The following CYRIA variants were observed in gnomAD, a reference collection of about 807,000 sequenced individuals.
CYRIA encodes the protein CYFIP related Rac1 interactor A.
In CYRIA, 15 loss-of-function variants were observed where a neutral mutation model predicts 43.9. The observed-to-expected ratio is 0.34, with a 90% CI of 0.23 to 0.53. CYRIA has a LOEUF of 0.53. Among genes scored for constraint, CYRIA ranks in the 20% least tolerant of loss-of-function variants. The pLI is 0.94. For missense variants in CYRIA, 236 were observed against 394.2 expected, an observed-to-expected ratio of 0.60 and a Z score of 3.40; for synonymous variants, 117 against 136.0, an observed-to-expected ratio of 0.86 and a Z score of 0.97.
intron 1 of CYRIA, among the ~76,000 whole-genome samples, chr2:16,634,268 G>C (rs1480320172): frequency 1.3e-5 from 2 of 152,292 alleles, no homozygotes; most frequent in African/African-American, 4.8e-5. Context: ...GAGGCTCCCA[G>C]TGGTCACAGC....
intron 1 of CYRIA, among the ~76,000 whole-genome samples, chr2:16,639,614 T>C (rs1438706487): frequency 6.6e-6 from 1 of 152,230 alleles, no homozygotes; most frequent in Non-Finnish European, 1.5e-5. Context: ...TTACCTTTAT[T>C]AGCATAACGT....
At chr2:16,586,522 C>T (rs1463346625) in intron 3 of CYRIA, among the ~76,000 whole-genome samples, 1 of 151,808 alleles carries the variant, frequency 6.6e-6, no homozygotes, top group Non-Finnish European at 1.5e-5. Context: ...ACATAGCACG[C>T]TGATTTAAAT....
chr2:16,630,797 T>C (rs904580695), intron 1 of CYRIA, among the ~76,000 whole-genome samples: 1 of 152,186 alleles, frequency 6.6e-6, no homozygotes, highest in Non-Finnish European at 1.5e-5. Context: ...CAAAGGGTCA[T>C]TTTTACCTCC....
At chr2:16,599,503 G>T (rs1668122941) in intron 2 of CYRIA, among the ~76,000 whole-genome samples, 1 of 117,200 alleles carries the variant, frequency 8.5e-6, no homozygotes, top group Non-Finnish European at 1.7e-5. Flanking sequence ...TTCCAGGTGC[G>T]TCCGTCACCC....
chr2:16,664,097 G>A (rs1670330179), intron 1 of CYRIA, among the ~76,000 whole-genome samples: 2 of 152,304 alleles, frequency 1.3e-5, no homozygotes, highest in East Asian at 1.9e-4. Flanking sequence ...ACACCAGTGA[G>A]GTCCTTTGCC....
chr2:16,588,186 C>A, intron 2 of CYRIA, 57 bp from the exon 3 acceptor site: 3 of 1,173,192 alleles, frequency 2.6e-6, no homozygotes, highest in Non-Finnish European at 3.7e-6. Flanking sequence ...AATAGACTTG[C>A]GTGAATATCC....
At position 16,643,210 on chromosome 2, in the gene CYRIA, G is replaced by C. The variant is rs558621153; in HGVS notation, c.-166-19191C>G. On this transcript the variant is annotated intron_variant, in intron 1 of 11. Transcript: ENST00000381323. The stretch of plus-strand genomic sequence containing the variant: ...TGCCTAGAGCTATGCCTGGCATGAA[G>C]TAGGCATTCAATAAATATCTGTCAA... Among the ~76,000 whole-genome samples, 9 of 152,252 alleles carry C rather than the reference G, an allele frequency of 5.9e-5. No homozygotes were observed. In the South Asian group the frequency reaches 1.7e-3, roughly 28 times the overall value.
intron 1 of CYRIA, among the ~76,000 whole-genome samples, chr2:16,640,475 A>T (rs1157461801): frequency 1.3e-5 from 2 of 152,162 alleles, no homozygotes; most frequent in Non-Finnish European, 2.9e-5. Flanking sequence ...TTCTGGCACA[A>T]TTGGCCAAGC....
intron 3 of CYRIA, among the ~76,000 whole-genome samples, chr2:16,570,488 T>C (rs556736427): frequency 1.9e-3 from 288 of 152,340 alleles, no homozygotes; most frequent in African/African-American, 6.8e-3. Flanking sequence ...TTTTGCCATC[T>C]GGAAAATCCC....
chr2:16,615,683 C>T (rs1286572107), intron 2 of CYRIA, among the ~76,000 whole-genome samples: 1 of 152,194 alleles, frequency 6.6e-6, no homozygotes, highest in Non-Finnish European at 1.5e-5. Flanking sequence ...TTCCAAGGTT[C>T]AACTCTCCAC....
intron 2 of CYRIA, among the ~76,000 whole-genome samples, chr2:16,612,269 TAGAA>T (rs982407610): frequency 9.3e-5 from 14 of 150,748 alleles, no homozygotes; most frequent in Non-Finnish European, 2.1e-4. Context: ...GGCAACTACT[TAGAA>T]AGAAAGAGGG....
chr2:16,559,667 A>G, intron 9 of CYRIA, 81 bp from the exon 10 acceptor site: 2 of 1,510,896 alleles, frequency 1.3e-6, no homozygotes, highest in Non-Finnish European at 1.8e-6. Context: ...GATACTTTAG[A>G]TGCCTCCAAT....
At chr2:16,661,054 G>A (rs934238989) in intron 1 of CYRIA, among the ~76,000 whole-genome samples, 8 of 152,268 alleles carry the variant, frequency 5.3e-5, no homozygotes, top group Non-Finnish European at 7.4e-5. Flanking sequence ...AGGCCAAAGC[G>A]GAAGGACTGC....
intron 11 of CYRIA, among the ~76,000 whole-genome samples, chr2:16,553,215 T>C (rs571592307): frequency 6.6e-6 from 1 of 152,294 alleles, no homozygotes; most frequent in East Asian, 1.9e-4. Context: ...ATATTTTACA[T>C]AATCAAATAA....
chr2:16,564,074 G>A lies in CYRIA; in HGVS notation c.213C>T (p.Asp71=). 6.2e-7 allele frequency: 1 copy of A among 1,613,510 alleles called. No individual in the cohort carries two copies. The highest frequency in any genetic ancestry group is 2.2e-5 in the East Asian group (1 of 44,862). The change falls in exon 5 of 12, where the codon GAC becomes GAT. Residue 71 remains aspartate (D), a synonymous_variant. Transcript: ENST00000381323. ...TCCAAGCTTTTTCTTGAAGCTGAATGTCATTGGGATTTTGAATTGCCTGCA... is the reference window on the plus strand; with the variant it reads ...TCCAAGCTTTTTCTTGAAGCTGAATATCATTGGGATTTTGAATTGCCTGCA... ...EIRDAIQNPN[D]IQLQEKAWNA...
At chr2:16,608,066 T>C (rs949532453) in intron 2 of CYRIA, among the ~76,000 whole-genome samples, 7 of 152,136 alleles carry the variant, frequency 4.6e-5, no homozygotes, top group Non-Finnish European at 8.8e-5. Flanking sequence ...TTTTAGCCAT[T>C]TCAACCACTC....
intron 1 of CYRIA, among the ~76,000 whole-genome samples, chr2:16,642,136 T>C (rs1669695258): frequency 6.6e-6 from 1 of 152,170 alleles, no homozygotes. Flanking sequence ...CACCTTCAAA[T>C]ATCATCTCTA....
intron 1 of CYRIA, among the ~76,000 whole-genome samples, chr2:16,635,301 T>C (rs1221680567): frequency 6.6e-6 from 1 of 152,142 alleles, no homozygotes; most frequent in Non-Finnish European, 1.5e-5. Context: ...GGGGAGATAG[T>C]CTCACAGTAG....
At chr2:16,603,379 T>C (rs913497639) in intron 2 of CYRIA, among the ~76,000 whole-genome samples, 3 of 152,208 alleles carry the variant, frequency 2.0e-5, no homozygotes, top group Admixed American at 6.5e-5. Context: ...GTTTCAGAGA[T>C]AAATAATCTT....
Sources: allele counts gnomAD v4.1 joint callset (sites outside exome capture counted in the v4.1 genomes callset), GRCh38; gene constraint gnomAD v4.1.1; transcripts MANE v1.5; gene names NCBI Gene and HGNC (gene_info 2026-07-23, HGNC 2026-07-21).